MACROD2: variants seen among roughly 807,000 people sequenced by gnomAD.
MACROD2 encodes the protein ADP-ribose glycohydrolase MACROD2.
In MACROD2, 36 loss-of-function variants were observed where a neutral mutation model predicts 70.4. The ratio of observed to expected loss-of-function variants is 0.51; its 90% confidence interval spans 0.39 to 0.68. The LOEUF is 0.68. Ranked by LOEUF, MACROD2 falls within the 30% of genes least tolerant of loss-of-function variation. MACROD2 has a pLI of 0.00. For missense variants in MACROD2, 496 were observed against 538.4 expected, an observed-to-expected ratio of 0.92 and a Z score of 0.78; for synonymous variants, 172 against 178.8, an observed-to-expected ratio of 0.96 and a Z score of 0.30.
chr20:15,001,200 G>T (rs6110490), intron 5 of MACROD2, among the ~76,000 whole-genome samples: 2 of 152,178 alleles, frequency 1.3e-5, no homozygotes, highest in African/African-American at 4.8e-5. Flanking sequence ...AACCCTCCTA[G>T]TACTGCAGCT....
chr20:15,715,869 C>T (rs2050700838), intron 8 of MACROD2, among the ~76,000 whole-genome samples: 1 of 152,140 alleles, frequency 6.6e-6, no homozygotes, highest in African/African-American at 2.4e-5. Flanking sequence ...TTATCACCCT[C>T]ATTTTACAGA....
chr20:15,370,504 A>G lies in MACROD2; in HGVS notation c.541-60901A>G, dbSNP rs137974512. Among the ~76,000 whole-genome samples the G allele has an allele frequency of 2.6e-3, 400 of 152,220 alleles. 5 individuals are homozygous for G. The highest frequency in any genetic ancestry group is 9.2e-3 in the African/African-American group (382 of 41,582). ...ACTGCCCAATAATATTTTATTTTCTATATCATTTTATTGACCAATGTTGTC... is the reference window on the plus strand; with the variant it reads ...ACTGCCCAATAATATTTTATTTTCTGTATCATTTTATTGACCAATGTTGTC... On this transcript the variant is annotated intron_variant, in intron 6 of 17. Transcript: ENST00000684519.
At chr20:15,652,866 A>T (rs1367495394) in intron 8 of MACROD2, among the ~76,000 whole-genome samples, 3 of 152,180 alleles carry the variant, frequency 2.0e-5, no homozygotes, top group African/African-American at 7.2e-5. Flanking sequence ...AAATATGTTA[A>T]TATGAGTAAA....
intron 3 of MACROD2, among the ~76,000 whole-genome samples, chr20:14,255,547 A>AG (rs986586355): frequency 5.6e-5 from 8 of 142,378 alleles, no homozygotes; most frequent in Non-Finnish European, 1.2e-4. Flanking sequence ...GGGTGGGGGC[A>AG]GGGGGGAGGG....
At chr20:14,847,272 C>A (rs563212999) in intron 5 of MACROD2, among the ~76,000 whole-genome samples, 1 of 152,220 alleles carries the variant, frequency 6.6e-6, no homozygotes, top group East Asian at 1.9e-4. Flanking sequence ...AGAGACTATG[C>A]AAATTGGACT....
chr20:15,566,950 C>A (rs1349174414), intron 8 of MACROD2, among the ~76,000 whole-genome samples: 1 of 152,124 alleles, frequency 6.6e-6, no homozygotes, highest in African/African-American at 2.4e-5. Flanking sequence ...GATTCTCATA[C>A]TGAAATAAAC....
In MACROD2 at chr20:14,701,690, ATAAT is replaced by A. The variant is rs1568746689; in HGVS notation, c.418+16738_418+16741del. Among the ~76,000 whole-genome samples the A allele has an allele frequency of 2.6e-5, 4 of 152,256 alleles. No individual in the cohort carries two copies. In the East Asian group the frequency reaches 7.7e-4, roughly 29 times the overall value. ...AGAGTCCGTGCAATTTTCCCTTCGT[ATAAT>A]TAATTATCATATCAGTGTATTAAAG... On this transcript the variant is annotated intron_variant, in intron 5 of 17. Transcript: ENST00000684519.
At chr20:14,176,832 G>GTAC (rs2081266675) in intron 3 of MACROD2, among the ~76,000 whole-genome samples, 1 of 152,076 alleles carries the variant, frequency 6.6e-6, no homozygotes. Context: ...GATTATCTGT[G>GTAC]GGTAATGGTA....
At chr20:14,397,460 A>G (rs185485203) in intron 3 of MACROD2, among the ~76,000 whole-genome samples, 50 of 152,358 alleles carry the variant, frequency 3.3e-4, no homozygotes, top group Admixed American at 3.2e-3. Context: ...TAGTTTATGT[A>G]TGTAACAAGC....
At chr20:15,259,132 A>G (rs2077225831) in intron 6 of MACROD2, among the ~76,000 whole-genome samples, 1 of 151,990 alleles carries the variant, frequency 6.6e-6, no homozygotes, top group Non-Finnish European at 1.5e-5. Flanking sequence ...CCCCCATACA[A>G]CATTCTGCTG....
At chr20:15,458,669 A>C (rs1265812783) in intron 7 of MACROD2, among the ~76,000 whole-genome samples, 2 of 147,148 alleles carry the variant, frequency 1.4e-5, no homozygotes, top group African/African-American at 2.5e-5. Flanking sequence ...CCATTTATTC[A>C]GTAGGTGTCC....
intron 5 of MACROD2, among the ~76,000 whole-genome samples, chr20:14,693,885 A>G (rs2071090482): frequency 6.6e-6 from 1 of 152,178 alleles, no homozygotes; most frequent in African/African-American, 2.4e-5. Flanking sequence ...ACTGTCAGAT[A>G]AGAGAGATAA....
chr20:14,850,257 C>A, intron 5 of MACROD2: 1 of 186,600 alleles, frequency 5.4e-6, no homozygotes, highest in South Asian at 9.4e-5. Flanking sequence ...AGCTCTACAA[C>A]AATTCTAAAA....
At chr20:14,127,881 G>T in intron 3 of MACROD2, 1 of 494,022 alleles carries the variant, frequency 2.0e-6, no homozygotes, top group Non-Finnish European at 4.0e-6. Context: ...TTCCCAACTA[G>T]ATCTTTGAAT....
intron 4 of MACROD2, among the ~76,000 whole-genome samples, chr20:14,550,277 TG>T (rs1156877966): frequency 6.6e-6 from 1 of 152,136 alleles, no homozygotes; most frequent in Admixed American, 6.6e-5. Context: ...TCTAATTTAA[TG>T]GCCTTCCTTT....
chr20:14,024,043 T>C (rs778276935), intron 2 of MACROD2, among the ~76,000 whole-genome samples: 1 of 152,186 alleles, frequency 6.6e-6, no homozygotes, highest in Non-Finnish European at 1.5e-5. Context: ...CGTGGAATGT[T>C]TTTCCATTTG....
intron 3 of MACROD2, among the ~76,000 whole-genome samples, chr20:14,393,116 C>A (rs559197760): frequency 6.6e-6 from 1 of 152,220 alleles, no homozygotes; most frequent in East Asian, 1.9e-4. Flanking sequence ...GAGAGATTAT[C>A]ATTACAGTTT....
intron 3 of MACROD2, among the ~76,000 whole-genome samples, chr20:14,205,663 G>A (rs941290870): frequency 2.0e-5 from 3 of 152,168 alleles, no homozygotes; most frequent in Admixed American, 6.5e-5. Flanking sequence ...TTGGTGGGTT[G>A]GAGGTTCTCC....
intron 8 of MACROD2, among the ~76,000 whole-genome samples, chr20:15,641,050 T>G (rs903534548): frequency 2.0e-5 from 3 of 152,248 alleles, no homozygotes; most frequent in African/African-American, 7.2e-5. Flanking sequence ...CACATTATTT[T>G]ACAAAGAAGC....
Sources: gnomAD v4.1 joint callset for allele counts (sites outside exome capture counted in the v4.1 genomes callset) on GRCh38, gnomAD v4.1.1 for gene constraint, MANE v1.5 for transcripts, NCBI Gene and HGNC (gene_info 2026-07-23, HGNC 2026-07-21) for gene names.